Variants in IL1RAPL2 observed in about 807,000 individuals in gnomAD.
The protein encoded by IL1RAPL2 is interleukin 1 receptor accessory protein like 2, also known as X-linked interleukin-1 receptor accessory protein-like 2.
A neutral mutation model predicts 44.1 loss-of-function variants in IL1RAPL2; 3 were observed. The observed-to-expected ratio is 0.07, with a 90% CI of 0.03 to 0.18. The LOEUF (loss-of-function observed/expected upper bound fraction) is 0.18, where lower values mean the gene tolerates loss of function less well. IL1RAPL2 is among the 10% of genes least tolerant of loss of function. IL1RAPL2 has a pLI of 1.00. For missense variants in IL1RAPL2, 391 were observed against 496.4 expected, an observed-to-expected ratio of 0.79 and a Z score of 2.02; for synonymous variants, 181 against 178.8, an observed-to-expected ratio of 1.01 and a Z score of -0.10.
intron 2 of IL1RAPL2, among the ~76,000 whole-genome samples, chrX:104,709,408 CT>C (rs1426463391): frequency 9.0e-6 from 1 of 110,968 alleles, no homozygotes; most frequent in Non-Finnish European, 1.9e-5. Context: ...CTCAACTTCT[CT>C]CTTTTTTCAC....
At chrX:104,749,154 G>T (rs745432712) in intron 2 of IL1RAPL2, among the ~76,000 whole-genome samples, 64 of 111,373 alleles carry the variant, frequency 5.7e-4, no homozygotes, top group Admixed American at 1.0e-3. Flanking sequence ...GATTCCAGGA[G>T]AATAAAGTTA....
chrX:104,617,622 C>T (rs1373523991), intron 1 of IL1RAPL2, among the ~76,000 whole-genome samples: 5 of 111,811 alleles, frequency 4.5e-5, no homozygotes, highest in Non-Finnish European at 9.4e-5. Context: ...ATTTTTTATT[C>T]TGCTTGGTTC....
At chrX:104,999,206 C>T (rs769363052) in intron 2 of IL1RAPL2, among the ~76,000 whole-genome samples, 4 of 111,582 alleles carry the variant, frequency 3.6e-5, no homozygotes, top group African/African-American at 1.3e-4. Flanking sequence ...CTAGATGCAG[C>T]TCTTTAATTG....
At chrX:105,303,009 C>T (rs185316131) in intron 5 of IL1RAPL2, among the ~76,000 whole-genome samples, 1 of 111,381 alleles carries the variant, frequency 9.0e-6, no homozygotes, top group Admixed American at 9.6e-5. Flanking sequence ...TGCTTTCTGC[C>T]GTGACAGGGC....
chrX:105,236,200 A>G (rs1412196426), intron 4 of IL1RAPL2, among the ~76,000 whole-genome samples: 1 of 111,893 alleles, frequency 8.9e-6, no homozygotes, highest in Non-Finnish European at 1.9e-5. Flanking sequence ...ACTTTCTGCT[A>G]ACTTCTTTCT....
chrX:105,640,791 TATAGATAGAGAG>T (rs1404656906), intron 6 of IL1RAPL2, among the ~76,000 whole-genome samples: 2 of 79,074 alleles, frequency 2.5e-5, no homozygotes, highest in African/African-American at 4.9e-5. Context: ...TAGATATAGA[TATAGATAGAGAG>T]AGAGACCGAG....
At chrX:104,866,531 C>T (rs1922619636) in intron 2 of IL1RAPL2, among the ~76,000 whole-genome samples, 2 of 111,436 alleles carry the variant, frequency 1.8e-5, no homozygotes, top group African/African-American at 6.5e-5. Flanking sequence ...TTCAAGTATT[C>T]CTAGGGCTTC....
chrX:105,115,447 G>T (rs1293775969), intron 2 of IL1RAPL2, among the ~76,000 whole-genome samples: 1 of 111,608 alleles, frequency 9.0e-6, no homozygotes, highest in African/African-American at 3.3e-5. Flanking sequence ...ACAGGGTGCT[G>T]ATTGGTGGGT....
intron 2 of IL1RAPL2, among the ~76,000 whole-genome samples, chrX:105,083,566 G>C (rs890113937): frequency 1.6e-4 from 18 of 111,334 alleles, no homozygotes; most frequent in African/African-American, 4.9e-4. Context: ...GGCTGCCAGA[G>C]AGAAAGGTTG....
chrX:104,790,020 G>T (rs749635275), intron 2 of IL1RAPL2, among the ~76,000 whole-genome samples: 1 of 112,443 alleles, frequency 8.9e-6, no homozygotes, highest in South Asian at 3.7e-4. Context: ...TGCTTGATTT[G>T]TCACTGCTGT....
intron 2 of IL1RAPL2, among the ~76,000 whole-genome samples, chrX:105,115,792 G>A (rs750805942): frequency 1.1e-4 from 12 of 112,993 alleles, no homozygotes; most frequent in African/African-American, 3.2e-4. Flanking sequence ...GGGCGCCCTG[G>A]AGCAGAGAGC....
intron 2 of IL1RAPL2, among the ~76,000 whole-genome samples, chrX:105,039,126 G>A (rs1369334397): frequency 9.0e-6 from 1 of 111,679 alleles, no homozygotes; most frequent in African/African-American, 3.3e-5. Context: ...TTGGCTTAGA[G>A]GGAGGTCTAA....
At chrX:105,099,766 G>A (rs1403687825) in intron 2 of IL1RAPL2, among the ~76,000 whole-genome samples, 3 of 109,593 alleles carry the variant, frequency 2.7e-5, no homozygotes, top group Admixed American at 9.7e-5. Flanking sequence ...GCGCCCGGCC[G>A]CCACACACTT....
At chrX:105,489,672 TTC>T (rs1219306807) in intron 6 of IL1RAPL2, among the ~76,000 whole-genome samples, 11 of 109,412 alleles carry the variant, frequency 1.0e-4, no homozygotes, top group African/African-American at 2.0e-4. Flanking sequence ...CTTTCTTTCT[TTC>T]TCTTTCTTTT....
chrX:104,658,161 T>G (rs183938917), intron 1 of IL1RAPL2, among the ~76,000 whole-genome samples: 34 of 112,159 alleles, frequency 3.0e-4, no homozygotes, highest in Non-Finnish European at 3.6e-4. Flanking sequence ...TAAAGACACA[T>G]GCACACGTAT....
At chrX:104,611,740 G>C (rs1455994142) in intron 1 of IL1RAPL2, among the ~76,000 whole-genome samples, 2 of 107,289 alleles carry the variant, frequency 1.9e-5, no homozygotes, top group African/African-American at 6.9e-5. Flanking sequence ...GGGAGGCTGA[G>C]GCAGGAGAAT....
At chrX:105,406,400 T>TA in intron 5 of IL1RAPL2, 1 of 1,068,416 alleles carries the variant, frequency 9.4e-7, no homozygotes, top group Non-Finnish European at 1.3e-6. Context: ...AGCAAGATTT[T>TA]TTGGTATTGT....
intron 2 of IL1RAPL2, among the ~76,000 whole-genome samples, chrX:104,712,023 C>T (rs2147558319): frequency 9.0e-6 from 1 of 110,894 alleles, no homozygotes; most frequent in African/African-American, 3.3e-5. Flanking sequence ...GAACTGTAGT[C>T]TTACCACAGA....
intron 2 of IL1RAPL2, among the ~76,000 whole-genome samples, chrX:104,747,820 C>A (rs949194996): frequency 4.5e-5 from 5 of 111,123 alleles, no homozygotes; most frequent in Non-Finnish European, 9.4e-5. Context: ...TGGATGTGAA[C>A]GATGTGTTGT....
Sources: gnomAD v4.1 joint callset for allele counts (sites outside exome capture counted in the v4.1 genomes callset) on GRCh38, gnomAD v4.1.1 for gene constraint, MANE v1.5 for transcripts, NCBI Gene and HGNC (gene_info 2026-07-23, HGNC 2026-07-21) for gene names.